L3HYPDH: variants seen among roughly 807,000 people sequenced by gnomAD.
L3HYPDH encodes the protein trans-3-hydroxy-L-proline dehydratase.
L3HYPDH carries 32 observed loss-of-function variants against 26.5 expected under a neutral mutation model. The observed-to-expected ratio is 1.21, with a 90% CI of 0.91 to 1.62. The LOEUF is 1.62. Among genes scored for constraint, L3HYPDH ranks in the 40% most tolerant of loss-of-function variants. The pLI is 0.00. For synonymous variants in L3HYPDH, 215 were observed against 196.6 expected (o/e 1.09, Z -0.78); for missense variants, 554 against 476.4 (o/e 1.16, Z -1.52).
At chr14:59,504,135 T>A in the L3HYPDH span, 1 of 924,198 alleles carries the variant, frequency 1.1e-6, no homozygotes, top group Non-Finnish European at 1.7e-6. Context: ...AAATCAATCT[T>A]AACAGTGTAT....
At chr14:59,484,575 A>C (rs199521684), upstream of L3HYPDH, 1,255 of 1,574,110 alleles carry the variant, frequency 8.0e-4, 11 homozygotes, top group Middle Eastern at 4.0e-3. Flanking sequence ...CTCGAAAAAA[A>C]CCTTCAGGCG....
chr14:59,477,420 T>G (rs1889713953), intron 2 of L3HYPDH, among the ~76,000 whole-genome samples: 1 of 152,260 alleles, frequency 6.6e-6, no homozygotes, highest in South Asian at 2.1e-4. Context: ...TTGTACTGTC[T>G]GATACATCAA....
chr14:59,477,120 A>G (rs981877396), intron 2 of L3HYPDH, among the ~76,000 whole-genome samples: 2 of 152,314 alleles, frequency 1.3e-5, no homozygotes. Flanking sequence ...CCATCCTCTT[A>G]AAGTGATACG....
At chr14:59,499,453 G>C in the L3HYPDH span, among the ~76,000 whole-genome samples, 1 of 152,086 alleles carries the variant, frequency 6.6e-6, no homozygotes, top group Non-Finnish European at 1.5e-5. Flanking sequence ...ACCTTTTATA[G>C]TAAAAAGTCC....
the L3HYPDH span, among the ~76,000 whole-genome samples, chr14:59,496,968 G>T: frequency 8.2e-6 from 1 of 122,290 alleles, no homozygotes; most frequent in Admixed American, 7.7e-5. Flanking sequence ...CACTTCCGAA[G>T]GTTGTAGGGC....
chr14:59,484,568 G>T, upstream of L3HYPDH: 1 of 1,572,192 alleles, frequency 6.4e-7, no homozygotes, highest in Non-Finnish European at 8.6e-7. Context: ...AGTGCTTCTC[G>T]AAAAAAACCT....
the L3HYPDH span, chr14:59,504,320 C>G: frequency 4.2e-6 from 2 of 470,610 alleles, no homozygotes; most frequent in African/African-American, 3.9e-5. Flanking sequence ...GAAGCCCTTG[C>G]TTCTCTCAAC....
At chr14:59,465,619 C>T (rs1889144603) in intron 1 of L3HYPDH, among the ~76,000 whole-genome samples, 1 of 152,174 alleles carries the variant, frequency 6.6e-6, no homozygotes, top group Non-Finnish European at 1.5e-5. Flanking sequence ...TTCACTCTTG[C>T]TCTCTTTTGT....
chr14:59,483,938 C>G lies in L3HYPDH; in HGVS notation c.379G>C (p.Gly127Arg), dbSNP rs1214376647. 1 of 1,555,594 alleles carries G rather than the reference C, an allele frequency of 6.4e-7. No individual in the cohort carries two copies. The highest frequency in any genetic ancestry group is 8.6e-7 in the Non-Finnish European group (1 of 1,156,274). The change falls in exon 1 of 5, where the codon GGC becomes CGC. Residue 127 changes from glycine to arginine, a missense_variant. Transcript: ENST00000247194. Reference sequence around the variant, plus strand: ...ATATTGACGCGGGCCTCGCGGGTGCCCGCAGGGGGCGCCGGCACAAGCCCG... The same window carrying G: ...ATATTGACGCGGGCCTCGCGGGTGCGCGCAGGGGGCGCCGGCACAAGCCCG... Reference protein sequence around the residue: ...DFGLVPAPPAGTREARVNIHC... With the variant: ...DFGLVPAPPARTREARVNIHC...
the L3HYPDH span, among the ~76,000 whole-genome samples, chr14:59,500,125 T>TAA: frequency 6.6e-6 from 1 of 152,218 alleles, no homozygotes; most frequent in East Asian, 1.9e-4. Context: ...TTTAGCTACT[T>TAA]ATAAGTTAAG....
intron 1 of L3HYPDH, 26 bp downstream of exon 1, chr14:59,483,783 T>C (rs752280167): frequency 4.0e-5 from 64 of 1,586,998 alleles, no homozygotes; most frequent in Non-Finnish European, 5.3e-5. Flanking sequence ...AGCTCTGCCC[T>C]GGGCTGGAAA....
intron 2 of L3HYPDH, 70 bp downstream of exon 2, chr14:59,479,112 G>A: frequency 9.2e-7 from 1 of 1,091,178 alleles, no homozygotes; most frequent in South Asian, 1.6e-5. Flanking sequence ...TTTCTTTATA[G>A]ACATAATAAT....
intron 3 of L3HYPDH, 24 bp from the exon 4 acceptor site, chr14:59,476,030 G>C (rs1402552970): frequency 6.2e-7 from 1 of 1,613,770 alleles, no homozygotes; most frequent in Non-Finnish European, 8.5e-7. Flanking sequence ...AATGAAGACA[G>C]AATGTTCATA....
At chr14:59,468,433 C>CA (rs1424854711), downstream of L3HYPDH, among the ~76,000 whole-genome samples, 2 of 150,732 alleles carry the variant, frequency 1.3e-5, no homozygotes, top group Non-Finnish European at 2.9e-5. Context: ...TTGCTATCCC[C>CA]TCTGCCTGGA....
chr14:59,484,748 C>A, upstream of L3HYPDH: 1 of 1,053,310 alleles, frequency 9.5e-7, no homozygotes, highest in Non-Finnish European at 1.4e-6. Context: ...GCTCCGCACT[C>A]CTGCGGGGTT....
rs1889620195 is a variant in L3HYPDH at position 59,476,218 on chromosome 14, C to T, written c.679-4G>A. ...TATCAGGATGATTAATTTTAAACTG[C>T]AAGTAACAAAAAAAGATCACATGCA... is the stretch of plus-strand genomic sequence containing the variant. On this transcript the variant is annotated splice_region_variant and splice_polypyrimidine_tract_variant and intron_variant, in intron 2 of 4. Coordinates refer to ENST00000247194, the MANE Select transcript of L3HYPDH (RefSeq NM_144581.2). The T allele has an allele frequency of 6.5e-7, 1 of 1,534,882 alleles. No homozygotes were observed. Among genetic ancestry groups the T allele is most frequent in the Middle Eastern group, 1.9e-4 (1 of 5,336 alleles).
chr14:59,475,600 CTT>C (rs1450444320), intron 4 of L3HYPDH, among the ~76,000 whole-genome samples: 1 of 152,062 alleles, frequency 6.6e-6, no homozygotes, highest in Non-Finnish European at 1.5e-5. Flanking sequence ...ACTGTACACT[CTT>C]GAGAGAATGA....
At position 59,484,367 on chromosome 14, in the gene L3HYPDH, C is replaced by T. The variant is rs1461465488; in HGVS notation, c.-51G>A. On this transcript the variant is annotated 5_prime_UTR_variant, in exon 1 of 5. Transcript: ENST00000247194. ...GGTCCCGCAGCTATGGCTTCAAGCC[C>T]GACCCTCACCCACTGACTCCGCGGG... 2.0e-6 allele frequency: 3 copies of T among 1,522,162 alleles called. No individual in the cohort carries two copies. Among genetic ancestry groups the T allele is most frequent in the Non-Finnish European group, 2.6e-6 (3 of 1,133,014 alleles). 94.3% of individuals were successfully genotyped at this position (1,522,162 alleles called of 1,614,324 possible).
chr14:59,477,552 T>G (rs1173582168), intron 2 of L3HYPDH, among the ~76,000 whole-genome samples: 2 of 152,206 alleles, frequency 1.3e-5, no homozygotes, highest in Non-Finnish European at 2.9e-5. Context: ...AAGATATCCA[T>G]GACTTTTTCT....
Sources: gnomAD v4.1 joint callset for allele counts (sites outside exome capture counted in the v4.1 genomes callset) on GRCh38, gnomAD v4.1.1 for gene constraint, MANE v1.5 for transcripts, NCBI Gene and HGNC (gene_info 2026-07-23, HGNC 2026-07-21) for gene names.